THADA: variants seen among roughly 807,000 people sequenced by gnomAD.
The protein encoded by THADA is THADA armadillo repeat containing, also known as tRNA (32-2'-O)-methyltransferase regulator THADA.
Under a neutral mutation model 219.8 loss-of-function variants are expected in THADA, and 213 were observed. The observed-to-expected ratio is 0.97, with a 90% CI of 0.87 to 1.09. The LOEUF (loss-of-function observed/expected upper bound fraction) is 1.09. THADA is among the 50% of genes least tolerant of loss of function. The pLI is 0.00. For missense variants in THADA, 2,956 were observed against 2,311.3 expected, an observed-to-expected ratio of 1.28 and a Z score of -5.72; for synonymous variants, 1,018 against 828.9, an observed-to-expected ratio of 1.23 and a Z score of -3.92.
chr2:43,254,496 A>C (rs901501016), intron 36 of THADA, among the ~76,000 whole-genome samples: 3 of 151,982 alleles, frequency 2.0e-5, no homozygotes, highest in African/African-American at 7.2e-5. Flanking sequence ...ATTTGATCCA[A>C]AGGTCGTTTG....
At chr2:43,552,060 C>T (rs1449147137) in intron 18 of THADA, 135 bp from the exon 19 acceptor site, 1 of 1,527,754 alleles carries the variant, frequency 6.5e-7, no homozygotes, top group Admixed American at 2.4e-5. Flanking sequence ...AAAATATACA[C>T]AGATACGTAT....
chr2:43,541,424 C>A, intron 20 of THADA, 108 bp from the exon 21 acceptor site: 1 of 1,252,494 alleles, frequency 8.0e-7, no homozygotes, highest in Non-Finnish European at 1.1e-6. Context: ...TTGAACAAAC[C>A]CGATTTGTCA....
chr2:43,416,897 C>T (rs1677051563), intron 28 of THADA, among the ~76,000 whole-genome samples: 1 of 152,156 alleles, frequency 6.6e-6, no homozygotes, highest in South Asian at 2.1e-4. Flanking sequence ...ACAAAACCTT[C>T]CTTTCATACT....
chr2:43,247,755 G>GC (rs1306675990), intron 36 of THADA, among the ~76,000 whole-genome samples: 1 of 140,660 alleles, frequency 7.1e-6, no homozygotes, highest in Non-Finnish European at 1.5e-5. Flanking sequence ...AAAAAAAAAA[G>GC]GGGGGTGCTG....
chr2:43,280,201 A>G (rs770899202), intron 35 of THADA, among the ~76,000 whole-genome samples: 1 of 152,174 alleles, frequency 6.6e-6, no homozygotes, highest in African/African-American at 2.4e-5. Flanking sequence ...CTGCTCTCCT[A>G]GTTGAGTCCT....
intron 24 of THADA, among the ~76,000 whole-genome samples, chr2:43,501,679 C>T (rs1688997667): frequency 6.6e-6 from 1 of 152,226 alleles, no homozygotes; most frequent in Non-Finnish European, 1.5e-5. Context: ...TGTGGTGGCT[C>T]ACGCCTGTAA....
intron 35 of THADA, among the ~76,000 whole-genome samples, chr2:43,285,814 G>A (rs1673932049): frequency 1.3e-5 from 2 of 152,122 alleles, no homozygotes; most frequent in African/African-American, 4.8e-5. Flanking sequence ...GCCTCCTAAT[G>A]TGCTGGGATT....
chr2:43,590,508 C>T (rs1229090786), intron 4 of THADA, among the ~76,000 whole-genome samples: 1 of 151,982 alleles, frequency 6.6e-6, no homozygotes, highest in Non-Finnish European at 1.5e-5. Flanking sequence ...AACCACATCT[C>T]TACTAAAAAC....
rs376112738 is a variant in THADA, at chr2:43,575,040, G to A, written c.1038-13C>T. On this transcript the variant is annotated splice_polypyrimidine_tract_variant and intron_variant, in intron 10 of 37. Coordinates refer to ENST00000405975, the MANE Select transcript of THADA (RefSeq NM_022065.5). ...TGGCTCTTTAATCCTGAAGAAAAAT[G>A]AGCCATGAGCCATTATTGTAAACTG... 272 of 1,572,750 alleles carry A rather than the reference G, an allele frequency of 1.7e-4. No homozygotes were observed. The African/African-American group carries it at 3.3e-3, about 19-fold the overall frequency.
chr2:43,242,958 C>T (rs987530080), intron 36 of THADA, among the ~76,000 whole-genome samples: 12 of 152,218 alleles, frequency 7.9e-5, no homozygotes, highest in African/African-American at 2.9e-4. Flanking sequence ...ACCCAGGTGT[C>T]CTTGCCACCG....
At chr2:43,425,446 A>ATGTGTG (rs70963396) in intron 28 of THADA, among the ~76,000 whole-genome samples, 9,557 of 140,396 alleles carry the variant, frequency 0.068, 364 homozygotes, top group African/African-American at 0.11. Flanking sequence ...TTAAAATTGT[A>ATGTGTG]TGTGTGTGTG....
intron 29 of THADA, among the ~76,000 whole-genome samples, chr2:43,387,945 A>G (rs1672891355): frequency 6.6e-6 from 1 of 152,190 alleles, no homozygotes; most frequent in South Asian, 2.1e-4. Flanking sequence ...CTGTGTGTCA[A>G]TTTTACTTCA....
rs544890480 is a variant in THADA at position 43,589,886 on chromosome 2, TTTATG to T, written c.302+933_302+937del. Among the ~76,000 whole-genome samples the T allele has an allele frequency of 5.7e-4, 87 of 152,288 alleles. 1 individual carries two copies. Among genetic ancestry groups the T allele is most frequent in the Middle Eastern group, 6.8e-3 (2 of 294 alleles). Reference sequence around the variant, plus strand: ...AAAAAAAAAAGGTTAAGACTGAGTTTTTATGTTATATGTCTTTTACTACAATTAGG... The same window carrying T: ...AAAAAAAAAAGGTTAAGACTGAGTTTTTATATGTCTTTTACTACAATTAGG... On this transcript the variant is annotated intron_variant, in intron 4 of 37. Coordinates refer to ENST00000405975, the MANE Select transcript of THADA (RefSeq NM_022065.5).
At chr2:43,522,892 G>C (rs1372504939) in intron 22 of THADA, among the ~76,000 whole-genome samples, 1 of 151,890 alleles carries the variant, frequency 6.6e-6, no homozygotes, top group Non-Finnish European at 1.5e-5. Context: ...CTGCAGTCCA[G>C]CCTGGGCAAC....
intron 34 of THADA, among the ~76,000 whole-genome samples, chr2:43,289,959 GTTTTTTTTTTGTTTTTGTTTT>G (rs1674494292): frequency 7.7e-6 from 1 of 129,528 alleles, no homozygotes; most frequent in African/African-American, 2.9e-5. Flanking sequence ...CGGCCCTGGT[GTTTTTTTTTTGTTTTTGTTTT>G]TTTTTTTTTT....
At chr2:43,535,668 C>T (rs1479276198) in intron 21 of THADA, among the ~76,000 whole-genome samples, 8 of 101,662 alleles carry the variant, frequency 7.9e-5, no homozygotes, top group Admixed American at 1.4e-4. Context: ...GGCGACACAG[C>T]GAGACTCAAA....
At chr2:43,528,410 G>C (rs534622135) in intron 21 of THADA, among the ~76,000 whole-genome samples, 2 of 152,084 alleles carry the variant, frequency 1.3e-5, no homozygotes, top group Non-Finnish European at 2.9e-5. Flanking sequence ...GATTACATGC[G>C]TGAGCCACTG....
At chr2:43,529,245 T>C (rs1693569149) in intron 21 of THADA, among the ~76,000 whole-genome samples, 1 of 152,118 alleles carries the variant, frequency 6.6e-6, no homozygotes, top group Non-Finnish European at 1.5e-5. Flanking sequence ...CTCGAACTCC[T>C]AGGCTCAAGG....
At chr2:43,413,337 C>G (rs1429913359) in intron 28 of THADA, among the ~76,000 whole-genome samples, 1 of 152,084 alleles carries the variant, frequency 6.6e-6, no homozygotes, top group Non-Finnish European at 1.5e-5. Flanking sequence ...CACCCCCGCC[C>G]CATCACCAGT....
Sources: gnomAD v4.1 joint callset for allele counts (sites outside exome capture counted in the v4.1 genomes callset) on GRCh38, gnomAD v4.1.1 for gene constraint, MANE v1.5 for transcripts, NCBI Gene and HGNC (gene_info 2026-07-23, HGNC 2026-07-21) for gene names.